SLC7A14: variants seen among roughly 807,000 people sequenced by gnomAD.
SLC7A14 encodes the protein solute carrier family 7 member 14.
SLC7A14 carries 37 observed loss-of-function variants against 60.2 expected under a neutral mutation model. The observed-to-expected ratio is 0.61, with a 90% CI of 0.47 to 0.81. The LOEUF (loss-of-function observed/expected upper bound fraction) is 0.81. SLC7A14 is among the 30% of genes least tolerant of loss of function. The pLI, the probability that SLC7A14 is intolerant of heterozygous loss-of-function variation, is 0.00. For missense variants in SLC7A14, 886 were observed against 982.7 expected, an observed-to-expected ratio of 0.90 and a Z score of 1.32; for synonymous variants, 399 against 395.8, an observed-to-expected ratio of 1.01 and a Z score of -0.10.
chr3:170,531,383 C>T (rs980135359), intron 1 of SLC7A14, among the ~76,000 whole-genome samples: 9 of 152,030 alleles, frequency 5.9e-5, no homozygotes, highest in African/African-American at 1.2e-4. Context: ...ACAAGGACAC[C>T]GAGAAACAAA....
chr3:170,584,323 G>A (rs1451742204), intron 1 of SLC7A14, among the ~76,000 whole-genome samples: 1 of 152,130 alleles, frequency 6.6e-6, no homozygotes, highest in Admixed American at 6.5e-5. Flanking sequence ...CAACCATGAA[G>A]CCCCTCCTTT....
chr3:170,569,639 C>T (rs1279888834), intron 1 of SLC7A14, among the ~76,000 whole-genome samples: 1 of 152,080 alleles, frequency 6.6e-6, no homozygotes, highest in East Asian at 1.9e-4. Context: ...CCATCTGGTC[C>T]TGGTCTCTTT....
chr3:170,479,173 C>A (rs999373692), intron 7 of SLC7A14, among the ~76,000 whole-genome samples: 4 of 151,660 alleles, frequency 2.6e-5, no homozygotes, highest in African/African-American at 9.7e-5. Context: ...ACAACAACAA[C>A]AAAAAGAGTC....
chr3:170,498,550 G>A, intron 4 of SLC7A14, 117 bp downstream of exon 4: 2 of 817,774 alleles, frequency 2.4e-6, no homozygotes, highest in Non-Finnish European at 3.8e-6. Flanking sequence ...GTGATAAAGA[G>A]GGTGCTGTGG....
intron 7 of SLC7A14, among the ~76,000 whole-genome samples, chr3:170,474,790 C>G (rs1285601299): frequency 6.6e-6 from 1 of 152,144 alleles, no homozygotes; most frequent in Non-Finnish European, 1.5e-5. Context: ...AGGTCCATTG[C>G]CCGTATCACA....
chr3:170,574,883 G>C (rs1219150707), intron 1 of SLC7A14, among the ~76,000 whole-genome samples: 1 of 152,212 alleles, frequency 6.6e-6, no homozygotes, highest in Admixed American at 6.5e-5. Context: ...GCTTTTAACT[G>C]AGCAAACCTG....
At chr3:170,470,162 T>A (rs184315670) in intron 7 of SLC7A14, among the ~76,000 whole-genome samples, 71 of 152,318 alleles carry the variant, frequency 4.7e-4, no homozygotes, top group African/African-American at 1.6e-3. Context: ...GCTTTATACA[T>A]GGAGGGAGAG....
chr3:170,562,250 A>G (rs1487792300), intron 1 of SLC7A14, among the ~76,000 whole-genome samples: 1 of 152,204 alleles, frequency 6.6e-6, no homozygotes, highest in African/African-American at 2.4e-5. Flanking sequence ...CCAAATACCC[A>G]TCAATCAACA....
intron 1 of SLC7A14, among the ~76,000 whole-genome samples, chr3:170,561,245 G>A (rs994569305): frequency 1.1e-4 from 17 of 152,160 alleles, no homozygotes; most frequent in African/African-American, 4.1e-4. Context: ...GTCTTCTTCA[G>A]GATTAATACA....
At chr3:170,548,963 A>T (rs778010722) in intron 1 of SLC7A14, among the ~76,000 whole-genome samples, 2 of 152,204 alleles carry the variant, frequency 1.3e-5, no homozygotes, top group Non-Finnish European at 2.9e-5. Flanking sequence ...TGTTGTGGGC[A>T]CTGTAGTGTC....
Position 170,483,516 on chromosome 3 carries a change from C to G in SLC7A14, c.913G>C (p.Val305Leu). Residue 305 changes from valine to leucine, a missense_variant, in exon 6 of 8, where the codon GTG becomes CTG. Val to Leu is a conservative substitution (Grantham distance 32). Transcript: ENST00000231706. ...TATGGCACCATCAGAGTTAAGATCA[C>G]GCTCACCTGTTAAAACAAGAGAAGA... ...ICLTAYVSVSVILTLMVPYYT... is the reference protein window; with the variant it reads ...ICLTAYVSVSLILTLMVPYYT... 1 of 1,614,138 alleles carries G rather than the reference C, an allele frequency of 6.2e-7. No individual in the cohort carries two copies. Among genetic ancestry groups the G allele is most frequent in the Non-Finnish European group, 8.5e-7 (1 of 1,180,026 alleles).
At chr3:170,529,317 T>C (rs1283113690) in intron 1 of SLC7A14, among the ~76,000 whole-genome samples, 1 of 152,260 alleles carries the variant, frequency 6.6e-6, no homozygotes, top group Admixed American at 6.5e-5. Flanking sequence ...GAAACTTTCT[T>C]GTTTTGCTTA....
At chr3:170,515,242 G>A (rs1224846432) in intron 2 of SLC7A14, among the ~76,000 whole-genome samples, 1 of 151,804 alleles carries the variant, frequency 6.6e-6, no homozygotes, top group Non-Finnish European at 1.5e-5. Flanking sequence ...GAACCTGGGA[G>A]GCAGAGGCTG....
intron 1 of SLC7A14, among the ~76,000 whole-genome samples, chr3:170,549,522 G>T (rs1714280161): frequency 6.6e-6 from 1 of 152,124 alleles, no homozygotes; most frequent in African/African-American, 2.4e-5. Context: ...CCTTTTGAAT[G>T]GTGGGCCAAT....
chr3:170,519,123 C>T (rs1313184005), intron 2 of SLC7A14, among the ~76,000 whole-genome samples: 1 of 152,216 alleles, frequency 6.6e-6, no homozygotes, highest in Admixed American at 6.5e-5. Context: ...GAAGCAGAGA[C>T]TTAGAGCCAG....
intron 1 of SLC7A14, among the ~76,000 whole-genome samples, chr3:170,565,209 T>G (rs538936130): frequency 5.3e-5 from 8 of 152,112 alleles, no homozygotes; most frequent in South Asian, 2.1e-4. Context: ...TAGGGTAGCA[T>G]GGTAGAGGAG....
At chr3:170,484,924 A>G (rs763510331) in intron 5 of SLC7A14, among the ~76,000 whole-genome samples, 1 of 152,070 alleles carries the variant, frequency 6.6e-6, no homozygotes, top group African/African-American at 2.4e-5. Context: ...ATGGGTAAAA[A>G]GTTGGTGGAT....
At chr3:170,568,442 A>T (rs1267443126) in intron 1 of SLC7A14, among the ~76,000 whole-genome samples, 2 of 152,090 alleles carry the variant, frequency 1.3e-5, no homozygotes, top group African/African-American at 4.8e-5. Context: ...GTCAGGTAGC[A>T]TGATGCCTCC....
At chr3:170,536,782 G>T (rs1254563507) in intron 1 of SLC7A14, among the ~76,000 whole-genome samples, 1 of 152,196 alleles carries the variant, frequency 6.6e-6, no homozygotes, top group Non-Finnish European at 1.5e-5. Flanking sequence ...CATGAGAGAT[G>T]CATAAGGTGG....
Sources: allele counts gnomAD v4.1 joint callset (sites outside exome capture counted in the v4.1 genomes callset), GRCh38; gene constraint gnomAD v4.1.1; transcripts MANE v1.5; gene names NCBI Gene and HGNC (gene_info 2026-07-23, HGNC 2026-07-21).